Variants in SNW1 observed in about 807,000 individuals in gnomAD.
SNW1 encodes SNW domain-containing protein 1.
Under a neutral mutation model 75.6 loss-of-function variants are expected in SNW1, and 9 were observed. That is an observed-to-expected ratio of 0.12 (90% CI 0.07 to 0.21). The LOEUF is 0.21. Ranked by LOEUF, SNW1 falls within the 10% of genes least tolerant of loss-of-function variation. SNW1 has a pLI of 1.00. For synonymous variants in SNW1, 200 were observed against 219.1 expected, an observed-to-expected ratio of 0.91 and a Z score of 0.77; for missense variants, 409 against 670.9, an observed-to-expected ratio of 0.61 and a Z score of 4.31.
At chr14:77,723,630 G>A (rs2080561650) in intron 10 of SNW1, among the ~76,000 whole-genome samples, 1 of 152,126 alleles carries the variant, frequency 6.6e-6, no homozygotes, top group African/African-American at 2.4e-5. Context: ...AGTCACAGGT[G>A]TGAGCCACTG....
chr14:77,717,871 G>C lies in SNW1; in HGVS notation c.*217C>G. On this transcript the variant is annotated 3_prime_UTR_variant, in exon 14 of 14. Transcript: ENST00000261531. ...GCAGCATGTTCTATAAATGCTGAAA[G>C]GTGGGAGAAGCACAAACACAACCCA... 1.8e-6 allele frequency: 1 copy of C among 547,068 alleles called. No individual in the cohort carries two copies. The allele number at this position is 547,068 out of a possible 1,614,324, so 33.9% of individuals were successfully genotyped here.
chr14:77,755,667 T>C (rs988476788), intron 1 of SNW1, among the ~76,000 whole-genome samples: 5 of 151,822 alleles, frequency 3.3e-5, no homozygotes, highest in Non-Finnish European at 5.9e-5. Flanking sequence ...TCCGCTGACC[T>C]TGGCCTCCCA....
chr14:77,742,640 CAT>C (rs1417701186), intron 3 of SNW1, among the ~76,000 whole-genome samples: 1 of 151,990 alleles, frequency 6.6e-6, no homozygotes, highest in Non-Finnish European at 1.5e-5. Context: ...AACAAGATAA[CAT>C]ATAATTTATC....
At chr14:77,736,296 C>G (rs575588186) in intron 6 of SNW1, among the ~76,000 whole-genome samples, 1 of 152,224 alleles carries the variant, frequency 6.6e-6, no homozygotes, top group African/African-American at 2.4e-5. Context: ...GCCTGTAATC[C>G]CAGCACTTTG....
chr14:77,739,046 A>G lies in SNW1; in HGVS notation c.346T>C (p.Tyr116His). 6.2e-7 allele frequency: 1 copy of G among 1,613,120 alleles called. No individual in the cohort carries two copies. Among genetic ancestry groups the G allele is most frequent in the Non-Finnish European group, 8.5e-7 (1 of 1,179,456 alleles). Residue 116 changes from tyrosine to histidine, a missense_variant, in exon 4 of 14, where the codon TAC becomes CAC. By Grantham distance (83) the Tyr-to-His change is moderately conservative. Around this residue, in one of 9 missense-constraint regions of SNW1, gnomAD observed 60 missense variants for 62.6 expected, o/e 0.96. Transcript: ENST00000261531. Reference protein sequence around the residue: ...QSKDKVIYSKYTDLVPKEVMN... With the variant: ...QSKDKVIYSKHTDLVPKEVMN... ...ACCTCCTTTGGAACCAGGTCAGTGT[A>G]TTTGCTATAAATGACCTAAAATGTT...
chr14:77,732,670 T>C, intron 8 of SNW1, 69 bp from the exon 9 acceptor site: 2 of 939,862 alleles, frequency 2.1e-6, no homozygotes, highest in East Asian at 2.4e-5. Flanking sequence ...GTTAAATTAA[T>C]TTTATTTTTT....
At chr14:77,720,465 G>A (rs992913535) in intron 12 of SNW1, 15 of 700,604 alleles carry the variant, frequency 2.1e-5, no homozygotes, top group African/African-American at 1.8e-4. Context: ...ACAAAAGGTT[G>A]ACATACCACA....
At chr14:77,746,935 T>C (rs2080764938) in intron 3 of SNW1, among the ~76,000 whole-genome samples, 1 of 137,400 alleles carries the variant, frequency 7.3e-6, no homozygotes, top group African/African-American at 2.8e-5. Flanking sequence ...TCCCTCTCCC[T>C]CTCCCTCTCC....
chr14:77,736,352 A>T (rs953005581), intron 6 of SNW1, among the ~76,000 whole-genome samples: 4 of 152,178 alleles, frequency 2.6e-5, no homozygotes, highest in African/African-American at 9.7e-5. Flanking sequence ...GATCGAGACC[A>T]TCCTGGCTAA....
chr14:77,751,342 G>A lies in SNW1; in HGVS notation c.307C>T (p.Arg103Ter), dbSNP rs2080805701. The change falls in exon 3 of 14, where the codon CGA (arginine) becomes TGA (stop). Residue 103 changes from arginine (R) to a stop codon, truncating the protein, a stop_gained. Coordinates refer to ENST00000261531, the MANE Select transcript of SNW1 (RefSeq NM_012245.3). LOFTEE classifies it high-confidence loss of function. The part of the protein sequence containing the change: ...EGKIKYDAIA[R>*]QGQSKDKVIY... Reference sequence around the variant, plus strand: ...ACCTTGTCTTTTGACTGTCCTTGTCGAGCAATTGCATCATATTTAATTTTT... The same window carrying A: ...ACCTTGTCTTTTGACTGTCCTTGTCAAGCAATTGCATCATATTTAATTTTT... The A allele has an allele frequency of 6.2e-7, 1 of 1,612,536 alleles. No individual in the cohort carries two copies. Among genetic ancestry groups the A allele is most frequent in the Non-Finnish European group, 8.5e-7 (1 of 1,179,458 alleles).
rs143833462 is a variant in SNW1 at position 77,753,470 on chromosome 14, A to G, written c.168+1497T>C. 4.8e-3 allele frequency among the ~76,000 whole-genome samples: 727 copies of G among 152,262 alleles called. 3 individuals are homozygous for G. Among genetic ancestry groups the G allele is most frequent in the Non-Finnish European group, 7.7e-3 (522 of 68,004 alleles). ...CATCTTCCTCTGCCTCCCATAAATA[A>G]CACTATCAGAGAGAACAAAAGCAAC... On this transcript the variant is annotated intron_variant, in intron 2 of 13. Transcript: ENST00000261531.
rs2080677923 is a variant in SNW1 at position 77,736,963 on chromosome 14, T to C, written c.638+8A>G. On this transcript the variant is annotated splice_region_variant and intron_variant, in intron 6 of 13. Transcript: ENST00000261531. The stretch of plus-strand genomic sequence containing the variant: ...GTGTGTATTAGTAGCCTATTCCTTT[T>C]CACTTACTTGAACCTTGGAGGCTCC... The C allele has an allele frequency of 1.3e-6, 2 of 1,588,770 alleles. 1 individual carries two copies. The highest frequency in any genetic ancestry group is 2.2e-5 in the South Asian group (2 of 90,606).
chr14:77,758,888 C>G (rs28611121), intron 1 of SNW1, among the ~76,000 whole-genome samples: 1,597 of 152,282 alleles, frequency 0.01, 35 homozygotes, highest in African/African-American at 0.037. Context: ...TAATTCAATT[C>G]AATTTTGATG....
intron 12 of SNW1, 48 bp downstream of exon 12, chr14:77,720,663 A>ATAGG: frequency 8.4e-7 from 1 of 1,188,376 alleles, no homozygotes; most frequent in Non-Finnish European, 1.3e-6. Context: ...TTCCCTGAGG[A>ATAGG]TAGGTATTCA....
chr14:77,717,794 C>T lies in SNW1; in HGVS notation c.*294G>A. ...AGCTGTTCTTACACAAAACATTAAC[C>T]CCAAACTACTAGTGTCACATAAAAG... On this transcript the variant is annotated 3_prime_UTR_variant, in exon 14 of 14. Coordinates refer to ENST00000261531, the MANE Select transcript of SNW1 (RefSeq NM_012245.3). The T allele has an allele frequency of 3.4e-6, 2 of 588,834 alleles. No individual in the cohort carries two copies. The highest frequency in any genetic ancestry group is 2.2e-5 in the South Asian group (1 of 45,068). 36.5% of individuals were successfully genotyped at this position (588,834 alleles called of 1,614,324 possible). A position where few individuals can be genotyped will look rare whatever the true frequency, so the allele number is the denominator to read the frequency against.
intron 7 of SNW1, 95 bp from the exon 8 acceptor site, chr14:77,735,107 ACT>A: frequency 1.2e-6 from 1 of 821,808 alleles, no homozygotes; most frequent in Non-Finnish European, 2.0e-6. Flanking sequence ...CTCCATATAC[ACT>A]GACATATGCA....
intron 1 of SNW1, among the ~76,000 whole-genome samples, chr14:77,756,172 G>A (rs1241048004): frequency 6.6e-6 from 1 of 151,920 alleles, no homozygotes; most frequent in Non-Finnish European, 1.5e-5. Flanking sequence ...CCAGCCTTGA[G>A]TGCAGTGGTG....
chr14:77,736,976 C>T lies in SNW1; in HGVS notation c.633G>A (p.Arg211=), dbSNP rs767664008. 16 of 1,609,686 alleles carry T rather than the reference C, an allele frequency of 9.9e-6. No individual in the cohort carries two copies. The highest frequency in any genetic ancestry group is 1.4e-5 in the Non-Finnish European group (16 of 1,176,186). The change falls in exon 6 of 14, where the codon AGG becomes AGA. Residue 211 remains arginine (R), a synonymous_variant. Coordinates refer to ENST00000261531, the MANE Select transcript of SNW1 (RefSeq NM_012245.3). The part of the protein sequence containing the change: ...EMQKDPMEPP[R]FKINKKIPRG... ...GCCTATTCCTTTTCACTTACTTGAA[C>T]CTTGGAGGCTCCATTGGATCTTTCT...
intron 3 of SNW1, among the ~76,000 whole-genome samples, chr14:77,745,667 A>C (rs1488661315): frequency 6.6e-6 from 1 of 152,110 alleles, no homozygotes; most frequent in African/African-American, 2.4e-5. Context: ...AGATTGCCCT[A>C]CTGCACTCCA....
Sources: gnomAD v4.1 joint callset for allele counts (sites outside exome capture counted in the v4.1 genomes callset) on GRCh38, gnomAD v4.1.1 for gene constraint, gnomAD v4.1.1 regional missense constraint, MANE v1.5 for transcripts, NCBI Gene and HGNC (gene_info 2026-07-23, HGNC 2026-07-21) for gene names.